Variants in DNM3 observed in about 807,000 individuals in gnomAD.
The protein encoded by DNM3 is dynamin-3.
DNM3 carries 47 observed loss-of-function variants against 101.6 expected under a neutral mutation model. The ratio of observed to expected loss-of-function variants is 0.46; its 90% CI spans 0.37 to 0.59. DNM3 has a LOEUF of 0.59. Ranked by LOEUF, DNM3 falls within the 20% of genes least tolerant of loss-of-function variation. The pLI, the probability that DNM3 is intolerant of heterozygous loss-of-function variation, is 0.00. For synonymous variants in DNM3, 385 were observed against 387.9 expected (o/e 0.99, Z 0.09); for missense variants, 849 against 1,085.7 (o/e 0.78, Z 3.06).
intron 15 of DNM3, among the ~76,000 whole-genome samples, chr1:172,273,566 C>A (rs2063163707): frequency 6.6e-6 from 1 of 151,988 alleles, no homozygotes; most frequent in African/African-American, 2.4e-5. Flanking sequence ...TTATAGCAAG[C>A]ATAAACAAAA....
At chr1:172,326,270 T>G (rs1446159273) in intron 17 of DNM3, among the ~76,000 whole-genome samples, 5 of 152,300 alleles carry the variant, frequency 3.3e-5, no homozygotes, top group African/African-American at 1.2e-4. Context: ...GGCCTGTTAC[T>G]TATTTTTCCC....
chr1:171,844,920 T>A (rs181414140), intron 1 of DNM3, among the ~76,000 whole-genome samples: 1 of 152,214 alleles, frequency 6.6e-6, no homozygotes, highest in African/African-American at 2.4e-5. Flanking sequence ...ATGGTTAACA[T>A]TTATAGAGTG....
At chr1:172,066,830 A>G (rs538295992) in intron 10 of DNM3, among the ~76,000 whole-genome samples, 1 of 152,230 alleles carries the variant, frequency 6.6e-6, no homozygotes, top group East Asian at 1.9e-4. Context: ...GATACTAGGT[A>G]GTTTATAGTT....
At chr1:171,875,807 G>A (rs4916405) in intron 1 of DNM3, among the ~76,000 whole-genome samples, 58,961 of 118,558 alleles carry the variant, frequency 0.5, 12,842 homozygotes, top group African/African-American at 0.56. Context: ...AAAAAGAGTT[G>A]TCTCTCTTTT....
At chr1:172,315,795 C>G (rs2065314056) in intron 16 of DNM3, among the ~76,000 whole-genome samples, 1 of 152,118 alleles carries the variant, frequency 6.6e-6, no homozygotes, top group African/African-American at 2.4e-5. Context: ...GAGAATGGAA[C>G]CAAGTTAGAA....
intron 16 of DNM3, among the ~76,000 whole-genome samples, chr1:172,321,361 C>A (rs2065707155): frequency 6.6e-6 from 1 of 152,118 alleles, no homozygotes; most frequent in Non-Finnish European, 1.5e-5. Context: ...TTGTTCTTAG[C>A]ATTTTCAGCA....
chr1:172,411,769 T>C lies in DNM3; in HGVS notation c.*3928T>C. 5 of 985,470 alleles carry C rather than the reference T, an allele frequency of 5.1e-6. 1 individual carries two copies. In the South Asian group the frequency reaches 1.9e-4, roughly 37 times the overall value. The allele number at this position is 985,470 out of a possible 1,614,324, so 61.0% of individuals were successfully genotyped here. On this transcript the variant is annotated 3_prime_UTR_variant, in exon 21 of 21. Coordinates refer to ENST00000627582, the MANE Select transcript of DNM3 (RefSeq NM_015569.5). The stretch of plus-strand genomic sequence containing the variant: ...TAACTGTTGAACTCATGAAAGAAGA[T>C]AGTGTATGAGACTTAAGCCATGAGT...
chr1:171,909,202 A>G (rs1250172910), intron 1 of DNM3, among the ~76,000 whole-genome samples: 2 of 152,100 alleles, frequency 1.3e-5, no homozygotes, highest in African/African-American at 2.4e-5. Context: ...GCACTTTGGG[A>G]GGCCGAGCTG....
chr1:172,171,726 A>G (rs1182681477), intron 14 of DNM3, among the ~76,000 whole-genome samples: 1 of 151,738 alleles, frequency 6.6e-6, no homozygotes, highest in Non-Finnish European at 1.5e-5. Flanking sequence ...GCTGAAGACA[A>G]TCTCTCACAA....
chr1:171,870,955 A>G (rs2035220732), intron 1 of DNM3, among the ~76,000 whole-genome samples: 1 of 152,216 alleles, frequency 6.6e-6, no homozygotes, highest in Non-Finnish European at 1.5e-5. Flanking sequence ...AATGGCATGA[A>G]TAAACACTTG....
At chr1:171,980,408 G>A (rs1486988771) in intron 2 of DNM3, among the ~76,000 whole-genome samples, 1 of 152,096 alleles carries the variant, frequency 6.6e-6, no homozygotes, top group Non-Finnish European at 1.5e-5. Context: ...AATTAGGGTA[G>A]TCAGCATATC....
intron 15 of DNM3, among the ~76,000 whole-genome samples, chr1:172,277,000 T>C (rs527900110): frequency 2.0e-5 from 3 of 152,186 alleles, no homozygotes; most frequent in African/African-American, 7.2e-5. Context: ...AATATGTGGC[T>C]AGAAAACTGT....
intron 4 of DNM3, among the ~76,000 whole-genome samples, chr1:172,014,074 C>T (rs933912085): frequency 4.6e-5 from 7 of 152,020 alleles, no homozygotes; most frequent in African/African-American, 1.2e-4. Context: ...GACACTTGAA[C>T]ACACATGTTT....
chr1:172,097,612 G>A (rs2054332873), intron 13 of DNM3, among the ~76,000 whole-genome samples: 1 of 152,104 alleles, frequency 6.6e-6, no homozygotes, highest in African/African-American at 2.4e-5. Context: ...AGGACTTAAA[G>A]CATGATGGAG....
intron 3 of DNM3, among the ~76,000 whole-genome samples, chr1:171,988,118 A>G (rs1249986266): frequency 6.6e-6 from 1 of 152,172 alleles, no homozygotes; most frequent in South Asian, 2.1e-4. Context: ...TTAGAGGTAC[A>G]TGTTACTATG....
intron 17 of DNM3, among the ~76,000 whole-genome samples, chr1:172,329,764 A>T (rs1013512347): frequency 6.6e-6 from 1 of 152,196 alleles, no homozygotes; most frequent in Non-Finnish European, 1.5e-5. Context: ...AGCTAAAACA[A>T]AAAAAGCAAA....
chr1:172,230,883 T>C (rs958429681), intron 14 of DNM3, among the ~76,000 whole-genome samples: 1 of 152,072 alleles, frequency 6.6e-6, no homozygotes, highest in Admixed American at 6.6e-5. Context: ...TCCTGGTTTT[T>C]CCCATTCTAC....
At chr1:172,194,028 T>G (rs561316490) in intron 14 of DNM3, among the ~76,000 whole-genome samples, 5 of 152,192 alleles carry the variant, frequency 3.3e-5, no homozygotes, top group Non-Finnish European at 4.4e-5. Flanking sequence ...ACACACTGCT[T>G]TAAATGTGTC....
At chr1:172,329,566 T>TA (rs1231938985) in intron 17 of DNM3, among the ~76,000 whole-genome samples, 6 of 151,940 alleles carry the variant, frequency 3.9e-5, no homozygotes, top group Non-Finnish European at 8.8e-5. Flanking sequence ...ATTCATTAAG[T>TA]AAAAATTAAT....
Sources: allele counts gnomAD v4.1 joint callset (sites outside exome capture counted in the v4.1 genomes callset), GRCh38; gene constraint gnomAD v4.1.1; transcripts MANE v1.5; gene names NCBI Gene and HGNC (gene_info 2026-07-23, HGNC 2026-07-21).